The following OVCA2 variants were observed in gnomAD, a reference collection of about 807,000 sequenced individuals.
The protein encoded by OVCA2 is OVCA2 serine hydrolase domain containing.
OVCA2 carries 14 observed loss-of-function variants against 10.1 expected under a neutral mutation model. The ratio of observed to expected loss-of-function variants is 1.39; its 90% confidence interval spans 0.92 to 2.17. The LOEUF is 2.17. Ranked by LOEUF, OVCA2 falls within the 30% of genes most tolerant of loss-of-function variation. OVCA2 has a pLI of 0.00. For missense variants in OVCA2, 376 were observed against 300.5 expected, an observed-to-expected ratio of 1.25 and a Z score of -1.86; for synonymous variants, 201 against 134.1, an observed-to-expected ratio of 1.50 and a Z score of -3.45.
chr17:2,042,676 T>G lies in OVCA2; in HGVS notation c.256T>G (p.Leu86Val). 6.6e-7 allele frequency: 1 copy of G among 1,526,330 alleles called. No homozygotes were observed. The highest frequency in any genetic ancestry group is 8.8e-7 in the Non-Finnish European group (1 of 1,140,274). 94.5% of individuals were successfully genotyped at this position (1,526,330 alleles called of 1,614,324 possible). A position where few individuals can be genotyped will look rare whatever the true frequency, so the allele number is the denominator to read the frequency against. ...GCAGGAGGCCGACGTTTTCTCCGCA[T>G]TGGAAGAGCCCGCCGTCTGCAGGGG... ...SEQEADVFSALEEPAVCRGLE... is the reference protein window; with the variant it reads ...SEQEADVFSAVEEPAVCRGLE... Residue 86 changes from leucine to valine, a missense_variant, in exon 2 of 2, where the codon TTG (leucine) becomes GTG (valine). Leu to Val is a conservative substitution (Grantham distance 32). Transcript: ENST00000572195.
rs926822381 is a variant in OVCA2 at position 2,042,064 on chromosome 17, C to T, written c.17C>T (p.Pro6Leu). Residue 6 changes from proline (P) to leucine (L), a missense_variant, in exon 1 of 2, where the codon CCC (proline) becomes CTC (leucine). Transcript: ENST00000572195. MAAQR[P>L]LRVLCLAGFR... ...CCGGGCATAATGGCCGCGCAGCGAC[C>T]CCTGCGGGTCCTGTGCCTGGCGGGC... 10 of 1,545,130 alleles carry T rather than the reference C, an allele frequency of 6.5e-6. No homozygotes were observed. Among genetic ancestry groups the T allele is most frequent in the African/African-American group, 4.2e-5 (3 of 71,994 alleles).
In OVCA2 at chr17:2,042,115, G is replaced by A. The variant is rs1006335647; in HGVS notation, c.68G>A (p.Arg23His). 3 of 1,566,612 alleles carry A rather than the reference G, an allele frequency of 1.9e-6. No homozygotes were observed. The highest frequency in any genetic ancestry group is 2.6e-6 in the Non-Finnish European group (3 of 1,165,592). ...TTCCGGCAGAGCGAGCGGGGCTTCCGTGAGAAGACCGGGGCGCTGAGGAAG... is the reference window on the plus strand; with the variant it reads ...TTCCGGCAGAGCGAGCGGGGCTTCCATGAGAAGACCGGGGCGCTGAGGAAG... ...AGFRQSERGF[R>H]EKTGALRKAL... The change falls in exon 1 of 2, where the codon CGT (arginine) becomes CAT (histidine). Residue 23 changes from arginine to histidine, a missense_variant. By Grantham distance (29) the Arg-to-His change is conservative. Transcript: ENST00000572195.
rs926822381 is a variant in OVCA2 at position 2,042,064 on chromosome 17, C to G, written c.17C>G (p.Pro6Arg). The G allele has an allele frequency of 3.2e-6, 5 of 1,545,130 alleles. No individual in the cohort carries two copies. The highest frequency in any genetic ancestry group is 4.3e-6 in the Non-Finnish European group (5 of 1,154,556). Residue 6 changes from proline to arginine, a missense_variant, in exon 1 of 2, where the codon CCC (proline) becomes CGC (arginine). Physicochemically the swap from Pro to Arg is moderately radical, Grantham distance 103. Coordinates refer to ENST00000572195, the MANE Select transcript of OVCA2 (RefSeq NM_080822.3). Reference protein sequence around the residue: MAAQRPLRVLCLAGFR... With the variant: MAAQRRLRVLCLAGFR... ...CCGGGCATAATGGCCGCGCAGCGAC[C>G]CCTGCGGGTCCTGTGCCTGGCGGGC...
In OVCA2 at chr17:2,043,302, T is replaced by C; in HGVS notation, c.*198T>C. Reference sequence around the variant, plus strand: ...AGAAAAGGGGAGCACAAGGCCTTAATGGACATTGACTTGTGAAAACGCAAA... The same window carrying C: ...AGAAAAGGGGAGCACAAGGCCTTAACGGACATTGACTTGTGAAAACGCAAA... On this transcript the variant is annotated 3_prime_UTR_variant, in exon 2 of 2. Coordinates refer to ENST00000572195, the MANE Select transcript of OVCA2 (RefSeq NM_080822.3). 1 of 641,196 alleles carries C rather than the reference T, an allele frequency of 1.6e-6. No homozygotes were observed. Among genetic ancestry groups the C allele is most frequent in the Non-Finnish European group, 2.6e-6 (1 of 387,176 alleles). The allele number at this position is 641,196 out of a possible 1,614,324, so 39.7% of individuals were successfully genotyped here.
Position 2,042,816 on chromosome 17 carries a change from C to G in OVCA2, c.396C>G (p.Gly132=), listed in dbSNP as rs538655219. The G allele has an allele frequency of 6.2e-7, 1 of 1,614,032 alleles. No homozygotes were observed. Among genetic ancestry groups the G allele is most frequent in the African/African-American group, 1.3e-5 (1 of 75,048 alleles). ...TAGCAGCCCTTGTGTGTGCCCTGGG[C>G]CAGGCAGGCGATCCCCGCTTCCCCT... is the stretch of plus-strand genomic sequence containing the variant. The part of the protein sequence containing the change: ...AALAALVCAL[G]QAGDPRFPLP... The change falls in exon 2 of 2, where the codon GGC becomes GGG. Residue 132 remains glycine, a synonymous_variant. Transcript: ENST00000572195.
Position 2,043,292 on chromosome 17 carries a change from A to C in OVCA2, c.*188A>C. On this transcript the variant is annotated 3_prime_UTR_variant, in exon 2 of 2. Transcript: ENST00000572195. ...CCTGTACTGAAGAAAAGGGGAGCAC[A>C]AGGCCTTAATGGACATTGACTTGTG... 1 of 688,808 alleles carries C rather than the reference A, an allele frequency of 1.5e-6. No homozygotes were observed. The highest frequency in any genetic ancestry group is 2.4e-6 in the Non-Finnish European group (1 of 423,876). 42.7% of individuals were successfully genotyped at this position (688,808 alleles called of 1,614,324 possible). A position where few individuals can be genotyped will look rare whatever the true frequency, so the allele number is the denominator to read the frequency against.
chr17:2,043,273 C>A lies in OVCA2; in HGVS notation c.*169C>A. ...CAAATTATAAGGGCCCTGCCCTGTA[C>A]TGAAGAAAAGGGGAGCACAAGGCCT... On this transcript the variant is annotated 3_prime_UTR_variant, in exon 2 of 2. Coordinates refer to ENST00000572195, the MANE Select transcript of OVCA2 (RefSeq NM_080822.3). The A allele has an allele frequency of 1.2e-6, 1 of 809,608 alleles. No homozygotes were observed. The highest frequency in any genetic ancestry group is 1.9e-6 in the Non-Finnish European group (1 of 527,292). 50.2% of individuals were successfully genotyped at this position (809,608 alleles called of 1,614,324 possible).
In OVCA2 at chr17:2,042,879, C is replaced by G. The variant is rs756222604; in HGVS notation, c.459C>G (p.Pro153=). The change falls in exon 2 of 2, where the codon CCC becomes CCG. Residue 153 remains proline, a synonymous_variant. Coordinates refer to ENST00000572195, the MANE Select transcript of OVCA2 (RefSeq NM_080822.3). ...TCCTCTTGGTGTCTGGTTTCTGTCC[C>G]CGGGGCATTGGGTTCAAGGAATCCA... ...RFILLVSGFC[P]RGIGFKESIL... 1.2e-5 allele frequency: 19 copies of G among 1,614,088 alleles called. No homozygotes were observed. In the South Asian group the frequency reaches 1.3e-4, roughly 11 times the overall value.
In OVCA2 at chr17:2,042,146, G is replaced by T; in HGVS notation, c.99G>T (p.Leu33=). 6.6e-7 allele frequency: 1 copy of T among 1,522,906 alleles called. No individual in the cohort carries two copies. The highest frequency in any genetic ancestry group is 8.7e-7 in the Non-Finnish European group (1 of 1,145,368). 94.3% of individuals were successfully genotyped at this position (1,522,906 alleles called of 1,614,324 possible). ...AGACCGGGGCGCTGAGGAAGGCGCT[G>T]CGGGGTCGCGCCGAGCTCGTGTGCC... ...REKTGALRKA[L]RGRAELVCLS... The change falls in exon 1 of 2, where the codon CTG becomes CTT. Residue 33 remains leucine (L), a synonymous_variant. Transcript: ENST00000572195.
In OVCA2 at chr17:2,043,211, A is replaced by C; in HGVS notation, c.*107A>C. 1 of 1,332,172 alleles carries C rather than the reference A, an allele frequency of 7.5e-7. No individual in the cohort carries two copies. Among genetic ancestry groups the C allele is most frequent in the Non-Finnish European group, 1.0e-6 (1 of 973,964 alleles). 82.5% of individuals were successfully genotyped at this position (1,332,172 alleles called of 1,614,324 possible). A position where few individuals can be genotyped will look rare whatever the true frequency, so the allele number is the denominator to read the frequency against. On this transcript the variant is annotated 3_prime_UTR_variant, in exon 2 of 2. Transcript: ENST00000572195. ...CTCACTGCTGTGAGTGCGCCTCACC[A>C]GAACCAGTTAAGAGACAACTATCAA...
chr17:2,042,188 G>A lies in OVCA2; in HGVS notation c.141G>A (p.Pro47=), dbSNP rs754132173. 1.2e-5 allele frequency: 17 copies of A among 1,434,724 alleles called. No homozygotes were observed. The highest frequency in any genetic ancestry group is 1.5e-5 in the Non-Finnish European group (16 of 1,100,886). 88.9% of individuals were successfully genotyped at this position (1,434,724 alleles called of 1,614,324 possible). A position where few individuals can be genotyped will look rare whatever the true frequency, so the allele number is the denominator to read the frequency against. ...TCGTGTGCCTCAGCGGCCCGCACCC[G>A]GTCCCCGACCCCCCGGGCCCCGAGG... ...AELVCLSGPH[P]VPDPPGPEGA... is the part of the protein sequence containing the mutation. The change falls in exon 1 of 2, where the codon CCG becomes CCA. Residue 47 remains proline, a synonymous_variant. Transcript: ENST00000572195.
At chr17:2,042,471 C>G (rs1242701577) in intron 1 of OVCA2, 134 bp from the exon 2 acceptor site, 3 of 1,358,676 alleles carry the variant, frequency 2.2e-6, no homozygotes, top group Non-Finnish European at 2.9e-6. Flanking sequence ...TTTCCCCCCT[C>G]TCATTTCCCC....
In OVCA2 at chr17:2,043,293, A is replaced by T; in HGVS notation, c.*189A>T. ...CTGTACTGAAGAAAAGGGGAGCACA[A>T]GGCCTTAATGGACATTGACTTGTGA... On this transcript the variant is annotated 3_prime_UTR_variant, in exon 2 of 2. Transcript: ENST00000572195. The T allele has an allele frequency of 1.5e-6, 1 of 678,512 alleles. No homozygotes were observed. The highest frequency in any genetic ancestry group is 2.4e-6 in the Non-Finnish European group (1 of 414,634). The allele number at this position is 678,512 out of a possible 1,614,324, so 42.0% of individuals were successfully genotyped here. A position where few individuals can be genotyped will look rare whatever the true frequency, so the allele number is the denominator to read the frequency against.
rs762085995 is a variant in OVCA2 at position 2,042,988 on chromosome 17, C to G, written c.568C>G (p.Leu190Val). ...KVIPSQESVQ[L>V]ASQFPGAITL... Reference sequence around the variant, plus strand: ...CATCCCCTCTCAGGAGAGTGTGCAACTGGCCAGCCAATTTCCCGGAGCCAT... The same window carrying G: ...CATCCCCTCTCAGGAGAGTGTGCAAGTGGCCAGCCAATTTCCCGGAGCCAT... Residue 190 changes from leucine to valine, a missense_variant, in exon 2 of 2, where the codon CTG (leucine) becomes GTG (valine). Coordinates refer to ENST00000572195, the MANE Select transcript of OVCA2 (RefSeq NM_080822.3). The G allele has an allele frequency of 1.9e-6, 3 of 1,614,016 alleles. No homozygotes were observed. The highest frequency in any genetic ancestry group is 2.5e-6 in the Non-Finnish European group (3 of 1,180,036).
chr17:2,042,439 C>T, intron 1 of OVCA2, 166 bp from the exon 2 acceptor site: 1 of 1,267,752 alleles, frequency 7.9e-7, no homozygotes, highest in Non-Finnish European at 1.0e-6. Context: ...TCCGCTGTCT[C>T]CTGTTCAGGC....
At chr17:2,042,486 C>T (rs544974435) in intron 1 of OVCA2, 119 bp from the exon 2 acceptor site, 16 of 1,405,394 alleles carry the variant, frequency 1.1e-5, no homozygotes, top group South Asian at 1.7e-5. Context: ...TTCCCCCAGA[C>T]TTTTGCCTCG....
chr17:2,043,404 CATA>C lies in OVCA2; in HGVS notation c.*305_*307del. On this transcript the variant is annotated 3_prime_UTR_variant, in exon 2 of 2. Transcript: ENST00000572195. ...GAGGCTGGCACCATGGTGACTGCCA[CATA>C]ATAAAGTGGTGATTTGGATTTTGAG... 1 of 343,586 alleles carries C rather than the reference CATA, an allele frequency of 2.9e-6. No homozygotes were observed. The highest frequency in any genetic ancestry group is 5.3e-6 in the Non-Finnish European group (1 of 188,380). 21.3% of individuals were successfully genotyped at this position (343,586 alleles called of 1,614,324 possible).
At chr17:2,042,491 G>C in intron 1 of OVCA2, 114 bp from the exon 2 acceptor site, 1 of 1,405,680 alleles carries the variant, frequency 7.1e-7, no homozygotes, top group Non-Finnish European at 9.3e-7. Flanking sequence ...CCAGACTTTT[G>C]CCTCGATTCC....
rs144653729 is a variant in OVCA2 at position 2,042,760 on chromosome 17, G to A, written c.340G>A (p.Gly114Ser). The change falls in exon 2 of 2, where the codon GGC becomes AGC. Residue 114 changes from glycine to serine, a missense_variant. Physicochemically the swap from Gly to Ser is moderately conservative, Grantham distance 56. Transcript: ENST00000572195. ...ACTGAACAGGCTGGGGCCTTTTGAC[G>A]GCCTTCTTGGTTTCAGCCAAGGGGC... ...QALNRLGPFD[G>S]LLGFSQGAAL... The A allele has an allele frequency of 8.7e-6, 14 of 1,606,198 alleles. No homozygotes were observed. Among genetic ancestry groups the A allele is most frequent in the Non-Finnish European group, 1.1e-5 (13 of 1,176,688 alleles).
Sources: allele counts gnomAD v4.1 joint callset, GRCh38; gene constraint gnomAD v4.1.1; transcripts MANE v1.5; gene names NCBI Gene and HGNC (gene_info 2026-07-23, HGNC 2026-07-21).